Variants in ADAT1 observed in about 807,000 individuals in gnomAD.
ADAT1 encodes the protein adenosine deaminase tRNA specific 1, also known as tRNA-specific adenosine deaminase 1.
ADAT1 carries 58 observed loss-of-function variants against 58.6 expected under a neutral mutation model. The observed-to-expected ratio is 0.99, with a 90% confidence interval of 0.80 to 1.23. The LOEUF is 1.23. ADAT1 is among the 50% of genes most tolerant of loss of function. ADAT1 has a pLI of 0.00. For missense variants in ADAT1, 741 were observed against 608.6 expected (o/e 1.22, Z -2.29); for synonymous variants, 254 against 220.8 (o/e 1.15, Z -1.33).
chr16:75,610,178 GTATGGA>G (rs1257185498), intron 6 of ADAT1, among the ~76,000 whole-genome samples: 8 of 152,126 alleles, frequency 5.3e-5, no homozygotes, highest in African/African-American at 1.9e-4. Flanking sequence ...ATAGTCCATT[GTATGGA>G]TATATCACAT....
chr16:75,605,577 G>A (rs1028400157), intron 8 of ADAT1, among the ~76,000 whole-genome samples: 2 of 151,968 alleles, frequency 1.3e-5, no homozygotes, highest in African/African-American at 4.8e-5. Context: ...AGGTGGGTCG[G>A]CACCACTAAC....
At position 75,599,442 on chromosome 16, in the gene ADAT1, G is replaced by T; in HGVS notation, c.*774C>A. ...TAAGTCAGAAAACCAACACAAACAG[G>T]CTTAATCAAAATAACAACAGGAATC... On this transcript the variant is annotated 3_prime_UTR_variant, in exon 10 of 10. Transcript: ENST00000564657. 10 of 985,744 alleles carry T rather than the reference G, an allele frequency of 1.0e-5. No homozygotes were observed. Among genetic ancestry groups the T allele is most frequent in the Non-Finnish European group, 9.6e-6 (8 of 829,932 alleles). The allele number at this position is 985,744 out of a possible 1,614,324, so 61.1% of individuals were successfully genotyped here.
intron 8 of ADAT1, among the ~76,000 whole-genome samples, chr16:75,606,654 T>C (rs1331781820): frequency 1.3e-5 from 2 of 152,234 alleles, no homozygotes; most frequent in East Asian, 3.8e-4. Flanking sequence ...TTCAGATGAC[T>C]GCAGCCCTGG....
chr16:75,604,432 C>CAAAAAAAA lies in ADAT1; in HGVS notation c.1290-1269_1290-1262dup, dbSNP rs869079388. Among the ~76,000 whole-genome samples, 3 of 7,940 alleles carry CAAAAAAAA rather than the reference C, an allele frequency of 3.8e-4. 1 individual carries two copies. The highest frequency in any genetic ancestry group is 2.4e-3 in the African/African-American group (3 of 1,238). 5.2% of individuals were successfully genotyped at this position (7,940 alleles called of 152,430 possible). On this transcript the variant is annotated intron_variant, in intron 8 of 9. Coordinates refer to ENST00000564657, the MANE Select transcript of ADAT1 (RefSeq NM_001324445.2). ...TGGGTGACAGAGTGAGATTCTGTCT[C>CAAAAAAAA]AAAAAAAAAAAAAAAAAAAAAAAAA...
rs529771289 is a variant in ADAT1 at position 75,602,248 on chromosome 16, T to G, written c.1376+837A>C. Among the ~76,000 whole-genome samples the G allele has an allele frequency of 3.9e-5, 6 of 152,376 alleles. No homozygotes were observed. In the South Asian group the frequency reaches 1.2e-3, roughly 32 times the overall value. ...GTTAATGAAACTCCAACAAAAACTT[T>G]GGACACTGATGTCTGAGTGAGATTC... On this transcript the variant is annotated intron_variant, in intron 9 of 9. Transcript: ENST00000564657.
At chr16:75,612,954 A>T in intron 5 of ADAT1, 93 bp from the exon 6 acceptor site, 1 of 1,471,246 alleles carries the variant, frequency 6.8e-7, no homozygotes, top group Non-Finnish European at 9.1e-7. Flanking sequence ...TCAGAAATGC[A>T]AACTCTTGGG....
chr16:75,604,455 AAATATATATAT>A (rs2081311071), intron 8 of ADAT1, among the ~76,000 whole-genome samples: 1 of 71,526 alleles, frequency 1.4e-5, no homozygotes, highest in African/African-American at 7.7e-5. Context: ...AAAAAAAAAA[AAATATATATAT>A]ATATATATAC....
chr16:75,604,289 T>A (rs1392630304), intron 8 of ADAT1, among the ~76,000 whole-genome samples: 2 of 150,530 alleles, frequency 1.3e-5, no homozygotes, highest in Non-Finnish European at 3.0e-5. Context: ...AAAAACTAGC[T>A]GGGAGTGGTG....
chr16:75,620,913 T>C (rs2081914146), intron 1 of ADAT1, 93 bp from the exon 2 acceptor site: 3 of 1,099,012 alleles, frequency 2.7e-6, no homozygotes, highest in Admixed American at 5.9e-5. Context: ...GTCTTTCAAA[T>C]GGAGCAGACC....
Position 75,597,742 on chromosome 16 carries a change from C to G in ADAT1, c.*2474G>C, listed in dbSNP as rs1597075881. Among the ~76,000 whole-genome samples, 1 of 152,236 alleles carries G rather than the reference C, an allele frequency of 6.6e-6. No individual in the cohort carries two copies. The highest frequency in any genetic ancestry group is 1.5e-5 in the Non-Finnish European group (1 of 68,048). On this transcript the variant is annotated 3_prime_UTR_variant, in exon 10 of 10. Coordinates refer to ENST00000564657, the MANE Select transcript of ADAT1 (RefSeq NM_001324445.2). ...CTGACAGATCATCAGGCATTATATT[C>G]TCATAAGGAGTGTGCAACCTAGATC... is the stretch of plus-strand genomic sequence containing the variant.
At chr16:75,608,022 T>C (rs1299825029) in intron 8 of ADAT1, among the ~76,000 whole-genome samples, 1 of 152,140 alleles carries the variant, frequency 6.6e-6, no homozygotes, top group Non-Finnish European at 1.5e-5. Flanking sequence ...TGATAGAAAA[T>C]GTCCAGACTA....
intron 8 of ADAT1, among the ~76,000 whole-genome samples, chr16:75,604,489 ACAC>A (rs2081318312): frequency 7.5e-6 from 1 of 132,484 alleles, no homozygotes; most frequent in Admixed American, 7.8e-5. Flanking sequence ...ACACACACAC[ACAC>A]ACACACACAC....
chr16:75,621,966 G>A (rs930488308), intron 1 of ADAT1, among the ~76,000 whole-genome samples: 1 of 152,174 alleles, frequency 6.6e-6, no homozygotes, highest in East Asian at 1.9e-4. Context: ...TGGCCAACGT[G>A]GTGAAACCCT....
chr16:75,604,105 A>T (rs1261016674), intron 8 of ADAT1, among the ~76,000 whole-genome samples: 1 of 151,868 alleles, frequency 6.6e-6, no homozygotes, highest in African/African-American at 2.4e-5. Flanking sequence ...AATTAATGGA[A>T]CTCTCATGAA....
chr16:75,606,089 G>C (rs1034520832), intron 8 of ADAT1, among the ~76,000 whole-genome samples: 1 of 150,336 alleles, frequency 6.7e-6, no homozygotes, highest in Non-Finnish European at 1.5e-5. Context: ...GGCTGGTCTC[G>C]AACTCCTGGC....
chr16:75,603,443 C>T (rs920613564), intron 8 of ADAT1, among the ~76,000 whole-genome samples: 6 of 152,184 alleles, frequency 3.9e-5, no homozygotes, highest in African/African-American at 1.4e-4. Context: ...CGAAATTTTG[C>T]CCCAGGATAT....
At position 75,599,897 on chromosome 16, in the gene ADAT1, G is replaced by C. The variant is rs1310893938; in HGVS notation, c.*319C>G. The C allele has an allele frequency of 1.9e-6, 2 of 1,057,792 alleles. No homozygotes were observed. Among genetic ancestry groups the C allele is most frequent in the Admixed American group, 5.2e-5 (1 of 19,298 alleles). 65.5% of individuals were successfully genotyped at this position (1,057,792 alleles called of 1,614,324 possible). On this transcript the variant is annotated 3_prime_UTR_variant, in exon 10 of 10. Transcript: ENST00000564657. Reference sequence around the variant, plus strand: ...AATAAATATTTGCTGAATCAATGTAGGAACCCATAAAACAGAGCTGCTGCA... The same window carrying C: ...AATAAATATTTGCTGAATCAATGTACGAACCCATAAAACAGAGCTGCTGCA...
At chr16:75,617,891 A>T (rs73615054) in intron 4 of ADAT1, among the ~76,000 whole-genome samples, 8,371 of 148,724 alleles carry the variant, frequency 0.056, 778 homozygotes, top group African/African-American at 0.2. Flanking sequence ...ATCCAACACC[A>T]GCCTGGGTAG....
chr16:75,613,976 GGTGA>G (rs2081628142), intron 5 of ADAT1, among the ~76,000 whole-genome samples: 1 of 152,100 alleles, frequency 6.6e-6, no homozygotes, highest in Non-Finnish European at 1.5e-5. Context: ...CGGATCACGA[GGTGA>G]GGAGTTCGAG....
Sources: gnomAD v4.1 joint callset for allele counts (sites outside exome capture counted in the v4.1 genomes callset) on GRCh38, gnomAD v4.1.1 for gene constraint, MANE v1.5 for transcripts, NCBI Gene and HGNC (gene_info 2026-07-23, HGNC 2026-07-21) for gene names.